The following PLEKHM3 variants were observed in gnomAD, a reference collection of about 807,000 sequenced individuals.
PLEKHM3 encodes pleckstrin homology domain containing M3.
A neutral mutation model predicts 81.8 loss-of-function variants in PLEKHM3; 45 were observed. That is an observed-to-expected ratio of 0.55 (90% CI 0.43 to 0.71). The LOEUF (loss-of-function observed/expected upper bound fraction) is 0.71, where lower values mean the gene tolerates loss of function less well. PLEKHM3 is among the 30% of genes least tolerant of loss of function. PLEKHM3 has a pLI of 0.00. For missense variants in PLEKHM3, 788 were observed against 924.3 expected (o/e 0.85, Z 1.91); for synonymous variants, 352 against 356.4 (o/e 0.99, Z 0.14).
chr2:207,997,248 T>C (rs1489628134), intron 2 of PLEKHM3, among the ~76,000 whole-genome samples: 1 of 152,178 alleles, frequency 6.6e-6, no homozygotes, highest in Non-Finnish European at 1.5e-5. Context: ...AGCCCAATTT[T>C]GCTTTATGCA....
chr2:207,953,824 C>CA (rs35813793), intron 3 of PLEKHM3, among the ~76,000 whole-genome samples: 29,406 of 97,486 alleles, frequency 0.3, 3,184 homozygotes, highest in Middle Eastern at 0.44. Context: ...ACTCTGTCTA[C>CA]AAAAAAAAAA....
intron 2 of PLEKHM3, among the ~76,000 whole-genome samples, chr2:207,980,919 G>A (rs1215113761): frequency 2.6e-5 from 4 of 151,956 alleles, no homozygotes; most frequent in African/African-American, 7.3e-5. Flanking sequence ...ACCTGAGGTC[G>A]AGTTTGAGAC....
intron 7 of PLEKHM3, among the ~76,000 whole-genome samples, chr2:207,840,577 T>C (rs1001982246): frequency 2.0e-5 from 3 of 152,228 alleles, no homozygotes; most frequent in Non-Finnish European, 4.4e-5. Context: ...TTTGCTTTAA[T>C]TGTAATATGG....
rs193224026 is a variant in PLEKHM3 at position 207,964,458 on chromosome 2, G to A, written c.1546+12193C>T. On this transcript the variant is annotated intron_variant, in intron 3 of 7. Coordinates refer to ENST00000427836, the MANE Select transcript of PLEKHM3 (RefSeq NM_001080475.3). ...GGCCCTGCCCTCACAAAAGTAAAAC[G>A]CAAAGTCATAGGCCCATGACAGGAT... Among the ~76,000 whole-genome samples, 23 of 152,234 alleles carry A rather than the reference G, an allele frequency of 1.5e-4. No individual in the cohort carries two copies. In the East Asian group the frequency reaches 1.9e-3, roughly 13 times the overall value.
At position 207,861,964 on chromosome 2, in the gene PLEKHM3, G is replaced by A. The variant is rs149052204; in HGVS notation, c.1951-702C>T. On this transcript the variant is annotated intron_variant, in intron 6 of 7. Transcript: ENST00000427836. ...AACGTGATGATGATCCTGGCCACGC[G>A]AGGGGGCTGCCTGTTTCCACTGAGA... Among the ~76,000 whole-genome samples, 58 of 152,236 alleles carry A rather than the reference G, an allele frequency of 3.8e-4. 1 individual carries two copies. Among genetic ancestry groups the A allele is most frequent in the African/African-American group, 1.4e-3 (57 of 41,564 alleles).
At chr2:208,023,915 G>A (rs1175793200) in intron 1 of PLEKHM3, among the ~76,000 whole-genome samples, 1 of 151,926 alleles carries the variant, frequency 6.6e-6, no homozygotes, top group Admixed American at 6.6e-5. Flanking sequence ...GCCAGGTACG[G>A]TTCTAAGCCT....
intron 7 of PLEKHM3, among the ~76,000 whole-genome samples, chr2:207,848,955 A>G (rs1210047929): frequency 1.3e-5 from 2 of 152,168 alleles, no homozygotes; most frequent in Non-Finnish European, 2.9e-5. Context: ...AAAGCGGATA[A>G]ACCCTGTTAG....
At chr2:208,003,254 T>C (rs943658100) in intron 1 of PLEKHM3, among the ~76,000 whole-genome samples, 9 of 152,258 alleles carry the variant, frequency 5.9e-5, no homozygotes, top group African/African-American at 1.9e-4. Flanking sequence ...CCATGTGGAA[T>C]TGTAAGTCCA....
intron 3 of PLEKHM3, among the ~76,000 whole-genome samples, chr2:207,951,527 C>CT (rs939997481): frequency 3.9e-4 from 59 of 151,918 alleles, no homozygotes; most frequent in African/African-American, 1.3e-3. Context: ...ACCCACTGGC[C>CT]TTTTTTTTAT....
At chr2:207,895,258 T>C (rs1688184761) in intron 6 of PLEKHM3, among the ~76,000 whole-genome samples, 1 of 152,100 alleles carries the variant, frequency 6.6e-6, no homozygotes, top group African/African-American at 2.4e-5. Flanking sequence ...TTGCCTTCAG[T>C]GAGACTGCAC....
chr2:207,983,075 G>A (rs1180740012), intron 2 of PLEKHM3, among the ~76,000 whole-genome samples: 4 of 133,764 alleles, frequency 3.0e-5, no homozygotes, highest in Admixed American at 8.7e-5. Context: ...TTTTTGAGAC[G>A]GAGTCTCGCT....
intron 2 of PLEKHM3, among the ~76,000 whole-genome samples, chr2:207,979,333 G>C (rs1691440496): frequency 1.3e-5 from 2 of 152,010 alleles, no homozygotes; most frequent in African/African-American, 4.8e-5. Flanking sequence ...TCAGGAGTTC[G>C]AGACCAGCCT....
Position 207,826,948 on chromosome 2 carries a change from C to T in PLEKHM3, c.*1371G>A, listed in dbSNP as rs1390126466. On this transcript the variant is annotated 3_prime_UTR_variant, in exon 8 of 8. Transcript: ENST00000427836. ...GCTGTCCTACCTGCCGTTTTGGTCA[C>T]AGTGACTGCCACGTGCTCTTCCAAG... The T allele has an allele frequency of 6.6e-6, 1 of 152,186 alleles. No individual in the cohort carries two copies. The allele number at this position is 152,186 out of a possible 1,614,324, so 9.4% of individuals were successfully genotyped here. A position where few individuals can be genotyped will look rare whatever the true frequency, so the allele number is the denominator to read the frequency against.
intron 5 of PLEKHM3, 134 bp downstream of exon 5, chr2:207,930,792 A>G (rs979232502): frequency 1.1e-5 from 10 of 910,676 alleles, no homozygotes; most frequent in South Asian, 8.2e-5. Flanking sequence ...AGAGGCTGGC[A>G]GTGGAGAGGC....
chr2:207,946,407 G>A lies in PLEKHM3; in HGVS notation c.1652C>T (p.Pro551Leu). 6.2e-7 allele frequency: 1 copy of A among 1,614,146 alleles called. No homozygotes were observed. The highest frequency in any genetic ancestry group is 8.5e-7 in the Non-Finnish European group (1 of 1,180,018). Residue 551 changes from proline to leucine, a missense_variant, in exon 4 of 8, where the codon CCA (proline) becomes CTA (leucine). By Grantham distance (98) the Pro-to-Leu change is moderately conservative. Coordinates refer to ENST00000427836, the MANE Select transcript of PLEKHM3 (RefSeq NM_001080475.3). ...ATCCCAGTTGTGGACTATGCGTGCTGGAATGAGAAAGCTGTCATCCACGTG... is the reference window on the plus strand; with the variant it reads ...ATCCCAGTTGTGGACTATGCGTGCTAGAATGAGAAAGCTGTCATCCACGTG... ...SCHVDDSFLI[P>L]ARIVHNWDTS...
intron 1 of PLEKHM3, among the ~76,000 whole-genome samples, chr2:208,005,649 T>C (rs1692470296): frequency 2.0e-5 from 3 of 152,222 alleles, no homozygotes; most frequent in Admixed American, 2.0e-4. Context: ...AGGTACCCTT[T>C]TTCCTTAAGC....
At position 207,881,078 on chromosome 2, in the gene PLEKHM3, T is replaced by A. The variant is rs554629284; in HGVS notation, c.1951-19816A>T. The stretch of plus-strand genomic sequence containing the variant: ...GAATTTCTGAATTTATCTTAAATAG[T>A]CAGAAGATAAATGGTTTTGCACAAA... On this transcript the variant is annotated intron_variant, in intron 6 of 7. Transcript: ENST00000427836. Among the ~76,000 whole-genome samples the A allele has an allele frequency of 2.6e-4, 40 of 151,742 alleles. 1 individual carries two copies. The South Asian group carries it at 8.1e-3, about 31-fold the overall frequency.
rs190707981 is a variant in PLEKHM3 at position 207,968,481 on chromosome 2, C to T, written c.1546+8170G>A. Among the ~76,000 whole-genome samples the T allele has an allele frequency of 1.5e-3, 222 of 152,286 alleles. 1 individual carries two copies. Among genetic ancestry groups the T allele is most frequent in the African/African-American group, 4.7e-3 (197 of 41,540 alleles). On this transcript the variant is annotated intron_variant, in intron 3 of 7. Coordinates refer to ENST00000427836, the MANE Select transcript of PLEKHM3 (RefSeq NM_001080475.3). ...ACAGGGATGTTAATGGTCTCCAAGC[C>T]ACTGGCCATGATGGCTTGACCCTTG...
At chr2:207,923,834 T>TATATATACATACAC (rs1689268649) in intron 5 of PLEKHM3, among the ~76,000 whole-genome samples, 1 of 129,840 alleles carries the variant, frequency 7.7e-6, no homozygotes, top group African/African-American at 3.0e-5. Flanking sequence ...TATACATACA[T>TATATATACATACAC]ATACATACAT....
Sources: allele counts gnomAD v4.1 joint callset (sites outside exome capture counted in the v4.1 genomes callset), GRCh38; gene constraint gnomAD v4.1.1; transcripts MANE v1.5; gene names NCBI Gene and HGNC (gene_info 2026-07-23, HGNC 2026-07-21).